The following PTPN21 variants were observed in gnomAD, a reference collection of about 807,000 sequenced individuals.
The protein encoded by PTPN21 is tyrosine-protein phosphatase non-receptor type 21.
In PTPN21, 77 loss-of-function variants were observed where a neutral mutation model predicts 131.8. The observed-to-expected ratio is 0.58, with a 90% CI of 0.49 to 0.71. The LOEUF (loss-of-function observed/expected upper bound fraction) is 0.71, where lower values mean the gene tolerates loss of function less well. Among genes scored for constraint, PTPN21 ranks in the 30% least tolerant of loss-of-function variants. The probability of loss-of-function intolerance (pLI) is 0.00; values close to 1 mark genes in which losing one functional copy is unlikely to be tolerated. For synonymous variants in PTPN21, 715 were observed against 621.3 expected, an observed-to-expected ratio of 1.15 and a Z score of -2.24; for missense variants, 1,552 against 1,527.1, an observed-to-expected ratio of 1.02 and a Z score of -0.27.
chr14:88,477,055 G>A (rs951984194), intron 13 of PTPN21, among the ~76,000 whole-genome samples: 2 of 152,104 alleles, frequency 1.3e-5, no homozygotes, highest in Non-Finnish European at 2.9e-5. Context: ...TGGGAAGGGT[G>A]TTAACTATAA....
intron 2 of PTPN21, among the ~76,000 whole-genome samples, chr14:88,519,742 G>T (rs940144209): frequency 2.4e-4 from 37 of 152,046 alleles, no homozygotes; most frequent in Admixed American, 5.2e-4. Flanking sequence ...CTAGAATACT[G>T]CTGGAATTCA....
intron 8 of PTPN21, 52 bp downstream of exon 8, chr14:88,500,731 G>A (rs371345808): frequency 3.2e-6 from 4 of 1,249,412 alleles, no homozygotes; most frequent in Non-Finnish European, 3.5e-6. Context: ...ACTAAAAAAT[G>A]TATCACCAAC....
intron 8 of PTPN21, among the ~76,000 whole-genome samples, chr14:88,498,804 T>C (rs1455851825): frequency 6.6e-6 from 1 of 152,238 alleles, no homozygotes; most frequent in East Asian, 1.9e-4. Flanking sequence ...TTTCTAATTT[T>C]ATCGTATTAG....
At chr14:88,470,297 A>T in intron 15 of PTPN21, 1 of 491,594 alleles carries the variant, frequency 2.0e-6, no homozygotes, top group Non-Finnish European at 3.6e-6. Context: ...CAACCTGTTT[A>T]ACCTTGCTGA....
At chr14:88,481,775 GGC>G in intron 12 of PTPN21, among the ~76,000 whole-genome samples, 1 of 152,166 alleles carries the variant, frequency 6.6e-6, no homozygotes, top group Non-Finnish European at 1.5e-5. Context: ...GGGTGGGGTG[GGC>G]GTGTCCAGCT....
intron 12 of PTPN21, among the ~76,000 whole-genome samples, chr14:88,483,655 G>A (rs1200784576): frequency 1.3e-5 from 2 of 152,082 alleles, no homozygotes; most frequent in African/African-American, 4.8e-5. Context: ...TTCATTCTGT[G>A]CCTGGCGTTC....
intron 3 of PTPN21, 120 bp from the exon 4 acceptor site, chr14:88,508,140 G>C (rs2078122660): frequency 2.1e-6 from 1 of 481,258 alleles, no homozygotes; most frequent in Admixed American, 4.1e-5. Flanking sequence ...AATCCCACAT[G>C]GTTGTGTGTG....
At chr14:88,554,497 T>C (rs2078900021) in intron 1 of PTPN21, among the ~76,000 whole-genome samples, 154 bp downstream of exon 1, 1 of 152,132 alleles carries the variant, frequency 6.6e-6, no homozygotes, top group East Asian at 1.9e-4. Flanking sequence ...AAGACTTTTC[T>C]CTTTGTTACG....
chr14:88,471,046 C>G (rs2077457884), intron 15 of PTPN21, among the ~76,000 whole-genome samples: 1 of 152,162 alleles, frequency 6.6e-6, no homozygotes, highest in African/African-American at 2.4e-5. Context: ...TCATGAGAGA[C>G]TGGATGAGTT....
chr14:88,531,296 C>A (rs961656973), intron 2 of PTPN21, among the ~76,000 whole-genome samples: 1 of 152,148 alleles, frequency 6.6e-6, no homozygotes, highest in Non-Finnish European at 1.5e-5. Context: ...CAGTGGCTCA[C>A]GCCTGTAATC....
intron 15 of PTPN21, chr14:88,470,439 T>C (rs1013785456): frequency 1.1e-5 from 2 of 177,958 alleles, no homozygotes; most frequent in Non-Finnish European, 2.4e-5. Context: ...GTGCCTCTTC[T>C]TTAAAAAAAA....
intron 8 of PTPN21, among the ~76,000 whole-genome samples, chr14:88,498,181 CAGA>C (rs2077953585): frequency 6.6e-6 from 1 of 151,166 alleles, no homozygotes; most frequent in Non-Finnish European, 1.5e-5. Flanking sequence ...GAGGCTGAGG[CAGA>C]AGAATTGTCT....
intron 18 of PTPN21, 114 bp downstream of exon 18, chr14:88,468,802 A>T: frequency 7.6e-7 from 1 of 1,323,634 alleles, no homozygotes; most frequent in Non-Finnish European, 1.1e-6. Context: ...TAACATCTTG[A>T]GGCCACCACA....
rs2077412184 is a variant in PTPN21 at position 88,469,060 on chromosome 14, G to C, written c.3252C>G (p.Ile1084Met). The C allele has an allele frequency of 1.2e-6, 2 of 1,613,092 alleles. No homozygotes were observed. The highest frequency in any genetic ancestry group is 1.3e-5 in the African/African-American group (1 of 74,910). ...TATTTGTATGGCGTCGAACAGACTG[G>C]ATCTCTTCAAGATATGCTGTGGAAA... ...LKGFLSYLEEIQSVRRHTNST... is the reference protein window; with the variant it reads ...LKGFLSYLEEMQSVRRHTNST... Residue 1084 changes from isoleucine (I) to methionine (M), a missense_variant, in exon 18 of 19, where the codon ATC becomes ATG. By Grantham distance (10) the Ile-to-Met change is conservative. Transcript: ENST00000556564. The surrounding 1 kb of genome is among the most constrained non-coding windows in gnomAD (Gnocchi z 4.3).
chr14:88,518,412 A>ATATATATATCTATC (rs2078332374), intron 2 of PTPN21, among the ~76,000 whole-genome samples: 1 of 15,902 alleles, frequency 6.3e-5, no homozygotes, highest in Non-Finnish European at 1.3e-4. Flanking sequence ...ATATATATAT[A>ATATATATATCTATC]TATTTTTTTT....
intron 12 of PTPN21, among the ~76,000 whole-genome samples, chr14:88,483,169 G>A (rs1251193679): frequency 2.1e-5 from 3 of 145,052 alleles, no homozygotes; most frequent in South Asian, 4.3e-4. Flanking sequence ...CCGAGATCGC[G>A]CCACTTCACT....
At chr14:88,474,131 C>CCAAAAAAAAAAAAAAAAAAAA (rs1555382614) in intron 13 of PTPN21, among the ~76,000 whole-genome samples, 1 of 46,686 alleles carries the variant, frequency 2.1e-5, no homozygotes, top group African/African-American at 7.9e-5. Flanking sequence ...AGCTGAAGTC[C>CCAAAAAAAAAAAAAAAAAAAA]AAAAAAAAAA....
At chr14:88,485,312 T>G (rs2077716148) in intron 11 of PTPN21, 152 bp from the exon 12 acceptor site, 1 of 495,662 alleles carries the variant, frequency 2.0e-6, no homozygotes, top group Non-Finnish European at 3.6e-6. Context: ...ACAGTAGTTC[T>G]TAACATATCT....
In PTPN21 at chr14:88,480,189, C is replaced by A. The variant is rs771900725; in HGVS notation, c.1242G>T (p.Pro414=). The change falls in exon 13 of 19, where the codon CCG becomes CCT. Residue 414 remains proline (P), a synonymous_variant. Coordinates refer to ENST00000556564, the MANE Select transcript of PTPN21 (RefSeq NM_007039.4). ...NNPQPYLQPS[P]MSSNPSITGS... ...CGGTGATGCTAGGGTTGGACGACAT[C>A]GGCGAGGGCTGCAAGTAGGGCTGAG... The A allele has an allele frequency of 2.0e-5, 32 of 1,613,970 alleles. No individual in the cohort carries two copies. The highest frequency in any genetic ancestry group is 1.6e-4 in the South Asian group (15 of 91,078).
Sources: gnomAD v4.1 joint callset for allele counts (sites outside exome capture counted in the v4.1 genomes callset) on GRCh38, gnomAD v4.1.1 for gene constraint, Gnocchi (gnomAD v3.1) non-coding constraint, MANE v1.5 for transcripts, NCBI Gene and HGNC (gene_info 2026-07-23, HGNC 2026-07-21) for gene names.